PHTF1: variants seen among roughly 807,000 people sequenced by gnomAD.
The protein encoded by PHTF1 is putative homeodomain transcription factor 1.
A neutral mutation model predicts 102.4 loss-of-function variants in PHTF1; 88 were observed. The ratio of observed to expected loss-of-function variants is 0.86; its 90% CI spans 0.72 to 1.03. The LOEUF is 1.03. Ranked by LOEUF, PHTF1 falls within the 50% of genes least tolerant of loss-of-function variation. The probability of loss-of-function intolerance (pLI) is 0.00; values close to 1 mark genes in which losing one functional copy is unlikely to be tolerated. For synonymous variants in PHTF1, 289 were observed against 305.2 expected (o/e 0.95, Z 0.55); for missense variants, 814 against 909.5 (o/e 0.89, Z 1.35).
intron 5 of PHTF1, among the ~76,000 whole-genome samples, chr1:113,735,365 C>CA (rs749964684): frequency 0.65 from 18,333 of 28,414 alleles, 8,479 homozygotes; most frequent in South Asian, 0.76. Flanking sequence ...GACTCTGTCT[C>CA]AAAAAAAAAA....
intron 5 of PHTF1, among the ~76,000 whole-genome samples, chr1:113,737,294 G>A (rs561395428): frequency 3.3e-5 from 5 of 152,168 alleles, no homozygotes; most frequent in Non-Finnish European, 5.9e-5. Flanking sequence ...TGTGTGCAGC[G>A]CACACACACA....
At chr1:113,742,675 T>C (rs1656586223) in intron 3 of PHTF1, among the ~76,000 whole-genome samples, 1 of 152,080 alleles carries the variant, frequency 6.6e-6, no homozygotes, top group Non-Finnish European at 1.5e-5. Context: ...GCACTTATCA[T>C]GAATAGTGCT....
Position 113,719,948 on chromosome 1 carries a change from G to T in PHTF1, c.623+4811C>A, listed in dbSNP as rs1157957497. On this transcript the variant is annotated intron_variant, in intron 7 of 18. Transcript: ENST00000369604. ...GGCACTTCTTAGATGGTGGCGGCAA[G>T]AGAAAGAAGAAGCAAAAGCAGAAAC... Among the ~76,000 whole-genome samples, 5 of 152,202 alleles carry T rather than the reference G, an allele frequency of 3.3e-5. 1 individual carries two copies. Among genetic ancestry groups the T allele is most frequent in the African/African-American group, 1.2e-4 (5 of 41,450 alleles).
chr1:113,699,828 ATTTCTTGG>A (rs1408990354), intron 16 of PHTF1, 29 bp from the exon 17 acceptor site: 2 of 890,340 alleles, frequency 2.2e-6, no homozygotes, highest in Admixed American at 2.6e-5. Flanking sequence ...ATTAAGGTAA[ATTTCTTGG>A]AAAAAAATAT....
At chr1:113,745,941 C>A (rs1309234277) in intron 3 of PHTF1, among the ~76,000 whole-genome samples, 4 of 152,016 alleles carry the variant, frequency 2.6e-5, no homozygotes, top group Non-Finnish European at 5.9e-5. Context: ...TAAAACCATC[C>A]CCCCACACCA....
chr1:113,722,060 G>T (rs758412395), intron 7 of PHTF1, among the ~76,000 whole-genome samples: 1 of 152,112 alleles, frequency 6.6e-6, no homozygotes, highest in African/African-American at 2.4e-5. Flanking sequence ...AAAGTTACAC[G>T]ATTTCTAATA....
At chr1:113,713,701 G>A (rs1651526837) in intron 7 of PHTF1, 1 of 352,828 alleles carries the variant, frequency 2.8e-6, no homozygotes, top group African/African-American at 2.2e-5. Flanking sequence ...ACAAAAGTAG[G>A]TTCACAGTCC....
intron 8 of PHTF1, among the ~76,000 whole-genome samples, chr1:113,712,609 A>G (rs903001330): frequency 6.6e-6 from 1 of 152,228 alleles, no homozygotes; most frequent in Non-Finnish European, 1.5e-5. Context: ...TAAGACTATA[A>G]AAGTGTGTAG....
chr1:113,757,439 G>A (rs1263212009), intron 3 of PHTF1, among the ~76,000 whole-genome samples: 2 of 152,184 alleles, frequency 1.3e-5, no homozygotes, highest in East Asian at 1.9e-4. Flanking sequence ...ACTAGCCAGA[G>A]CTAAGTAACC....
At chr1:113,732,579 G>A (rs1176892487) in intron 5 of PHTF1, among the ~76,000 whole-genome samples, 1 of 152,164 alleles carries the variant, frequency 6.6e-6, no homozygotes, top group East Asian at 1.9e-4. Context: ...GCATAGATAT[G>A]AGAATAACCA....
At chr1:113,748,982 T>C (rs1018479184) in intron 3 of PHTF1, among the ~76,000 whole-genome samples, 5 of 152,358 alleles carry the variant, frequency 3.3e-5, no homozygotes, top group African/African-American at 1.2e-4. Context: ...ATATACACTG[T>C]AGAATGACTA....
At chr1:113,758,834 C>A in intron 1 of PHTF1, 101 bp from the exon 2 acceptor site, 1 of 1,394,914 alleles carries the variant, frequency 7.2e-7, no homozygotes. Flanking sequence ...TCTCCATGAG[C>A]TGCTCTTTCT....
chr1:113,738,632 G>T, intron 4 of PHTF1, 98 bp downstream of exon 4: 1 of 758,922 alleles, frequency 1.3e-6, no homozygotes, highest in Non-Finnish European at 2.2e-6. Context: ...GTTACATTTA[G>T]AAATTAAAGT....
At chr1:113,745,866 A>C (rs1657156644) in intron 3 of PHTF1, among the ~76,000 whole-genome samples, 1 of 152,198 alleles carries the variant, frequency 6.6e-6, no homozygotes, top group Admixed American at 6.5e-5. Context: ...CAATTATTTC[A>C]TTATATATTA....
intron 2 of PHTF1, among the ~76,000 whole-genome samples, chr1:113,758,212 C>T (rs1253676166): frequency 1.1e-5 from 1 of 90,804 alleles, no homozygotes; most frequent in Non-Finnish European, 2.0e-5. Context: ...GCCTGGGCAA[C>T]AAGAGCGAAA....
intron 11 of PHTF1, among the ~76,000 whole-genome samples, chr1:113,708,744 T>C (rs540859485): frequency 6.5e-4 from 99 of 152,094 alleles, no homozygotes; most frequent in Non-Finnish European, 1.0e-4. Flanking sequence ...GATTGGAAAA[T>C]GATTTATTGC....
intron 15 of PHTF1, among the ~76,000 whole-genome samples, chr1:113,701,786 C>G (rs1649462139): frequency 9.2e-6 from 1 of 108,544 alleles, no homozygotes; most frequent in Admixed American, 1.2e-4. Context: ...CCTAAAAGTG[C>G]TGAAAGGAAA....
At chr1:113,754,042 T>A (rs1230681) in intron 3 of PHTF1, among the ~76,000 whole-genome samples, 100,366 of 152,108 alleles carry the variant, frequency 0.66, 34,101 homozygotes, top group East Asian at 0.93. Flanking sequence ...TATTTGCCAC[T>A]AAGTAATTTG....
rs1308994519 is a variant in PHTF1 at position 113,726,575 on chromosome 1, C to T, written c.332-1G>A. On this transcript the variant is annotated splice_acceptor_variant, in intron 5 of 18. Coordinates refer to ENST00000369604, the MANE Select transcript of PHTF1 (RefSeq NM_001323043.2). LOFTEE classifies it high-confidence loss of function. ...ATCAAATATAAGACAATTGCTATAA[C>T]TGAAAAGAAGAGGTTTTAAGATGTA... 1.3e-6 allele frequency: 2 copies of T among 1,557,538 alleles called. No individual in the cohort carries two copies. The highest frequency in any genetic ancestry group is 1.2e-5 in the South Asian group (1 of 82,938).
Sources: allele counts gnomAD v4.1 joint callset (sites outside exome capture counted in the v4.1 genomes callset), GRCh38; gene constraint gnomAD v4.1.1; transcripts MANE v1.5; gene names NCBI Gene and HGNC (gene_info 2026-07-23, HGNC 2026-07-21).